CSPP1: variants seen among roughly 807,000 people sequenced by gnomAD.
CSPP1 encodes centrosome and spindle pole associated protein 1, also known as centrosome and spindle pole-associated protein 1.
In CSPP1, 126 loss-of-function variants were observed where a neutral mutation model predicts 164.4. The ratio of observed to expected loss-of-function variants is 0.77; its 90% CI spans 0.66 to 0.89. CSPP1 has a LOEUF of 0.89. Among genes scored for constraint, CSPP1 ranks in the 40% least tolerant of loss-of-function variants. The pLI is 0.00. For synonymous variants in CSPP1, 472 were observed against 476.7 expected, an observed-to-expected ratio of 0.99 and a Z score of 0.13; for missense variants, 1,395 against 1,449.8, an observed-to-expected ratio of 0.96 and a Z score of 0.61.
intron 28 of CSPP1, 60 bp downstream of exon 28, chr8:67,179,986 T>G: frequency 1.1e-6 from 1 of 903,578 alleles, no homozygotes; most frequent in Non-Finnish European, 1.8e-6. Flanking sequence ...TCTCCACACT[T>G]AAAAACCAGT....
At chr8:67,132,163 A>AG (rs1206570839) in intron 16 of CSPP1, 83 bp downstream of exon 16, 17 of 1,336,388 alleles carry the variant, frequency 1.3e-5, no homozygotes, top group Admixed American at 2.5e-5. Flanking sequence ...GTGGCCGGGG[A>AG]GGGGAAAAAA....
At chr8:67,126,120 C>G (rs559174078) in intron 15 of CSPP1, among the ~76,000 whole-genome samples, 1 of 152,348 alleles carries the variant, frequency 6.6e-6, no homozygotes, top group East Asian at 1.9e-4. Flanking sequence ...GCGTGAGCCA[C>G]TGTGCCCAGC....
chr8:67,149,950 T>A lies in CSPP1; in HGVS notation c.2128+15T>A. On this transcript the variant is annotated intron_variant, in intron 18 of 30. Coordinates refer to ENST00000678616, the MANE Select transcript of CSPP1 (RefSeq NM_001382391.1). Reference sequence around the variant, plus strand: ...TAAAAGCTCAGGTTTTTAATCACTTTTTTTTTTTTTTTTTTTTTTTTACAT... The same window carrying A: ...TAAAAGCTCAGGTTTTTAATCACTTATTTTTTTTTTTTTTTTTTTTTACAT... The A allele has an allele frequency of 9.7e-6, 4 of 412,864 alleles. No individual in the cohort carries two copies. The highest frequency in any genetic ancestry group is 2.4e-5 in the African/African-American group (1 of 41,872). 25.6% of individuals were successfully genotyped at this position (412,864 alleles called of 1,614,324 possible). A position where few individuals can be genotyped will look rare whatever the true frequency, so the allele number is the denominator to read the frequency against.
chr8:67,195,081 T>C (rs1301262976), intron 30 of CSPP1, among the ~76,000 whole-genome samples: 1 of 152,222 alleles, frequency 6.6e-6, no homozygotes, highest in Non-Finnish European at 1.5e-5. Context: ...CTGTTGACTT[T>C]GTTTTATGGA....
chr8:67,169,706 C>T (rs1220598899), intron 24 of CSPP1, among the ~76,000 whole-genome samples: 1 of 152,010 alleles, frequency 6.6e-6, no homozygotes, highest in Non-Finnish European at 1.5e-5. Context: ...TCCCAAAGTG[C>T]TGGGATTACA....
In CSPP1 at chr8:67,074,116, A is replaced by T. The variant is rs1163734576; in HGVS notation, c.-10-127A>T. The stretch of plus-strand genomic sequence containing the variant: ...CAGTAGGCAGGCATATTTATGATCA[A>T]TCTTAAGTTTGAATTTCTCAATTTG... On this transcript the variant is annotated intron_variant, in intron 1 of 30. Transcript: ENST00000678616. 6.8e-6 allele frequency: 4 copies of T among 585,154 alleles called. No homozygotes were observed. In the African/African-American group the frequency reaches 7.6e-5, roughly 11 times the overall value. 36.2% of individuals were successfully genotyped at this position (585,154 alleles called of 1,614,324 possible).
At chr8:67,173,810 GT>G (rs1830978002) in intron 25 of CSPP1, 1 of 152,102 alleles carries the variant, frequency 6.6e-6, no homozygotes, top group Non-Finnish European at 1.5e-5. Flanking sequence ...AACCCAGTGG[GT>G]CTCATGAGGA....
intron 4 of CSPP1, among the ~76,000 whole-genome samples, chr8:67,091,593 G>C (rs1052965291): frequency 3.9e-5 from 6 of 152,090 alleles, no homozygotes; most frequent in Non-Finnish European, 8.8e-5. Flanking sequence ...TTCCCTTTCA[G>C]GGAGTTGTTG....
chr8:67,124,167 G>A (rs1010944053), intron 15 of CSPP1, among the ~76,000 whole-genome samples: 7 of 152,108 alleles, frequency 4.6e-5, no homozygotes, highest in African/African-American at 9.7e-5. Context: ...CCAAAGTGCT[G>A]GGATTACAGG....
chr8:67,093,400 T>G (rs1217469793), intron 5 of CSPP1, 143 bp from the exon 6 acceptor site: 9 of 569,016 alleles, frequency 1.6e-5, no homozygotes, highest in Non-Finnish European at 2.8e-5. Context: ...CAGTGACATC[T>G]GTCCTTGAAA....
Position 67,093,598 on chromosome 8 carries a change from A to C in CSPP1, c.440A>C (p.Glu147Ala). The part of the protein sequence containing the change: ...KEYNQFLRGK[E>A]ESSEKFRQVE... Reference sequence around the variant, plus strand: ...TACAATCAGTTTCTCAGGGGTAAGGAAGAATCCAGTGAAAAGTTCAGGCAG... The same window carrying C: ...TACAATCAGTTTCTCAGGGGTAAGGCAGAATCCAGTGAAAAGTTCAGGCAG... Residue 147 changes from glutamate (E) to alanine (A), a missense_variant, in exon 6 of 31, where the codon GAA becomes GCA. Physicochemically the swap from Glu to Ala is moderately radical, Grantham distance 107. Coordinates refer to ENST00000678616, the MANE Select transcript of CSPP1 (RefSeq NM_001382391.1). 1 of 1,613,046 alleles carries C rather than the reference A, an allele frequency of 6.2e-7. No individual in the cohort carries two copies. The highest frequency in any genetic ancestry group is 8.5e-7 in the Non-Finnish European group (1 of 1,179,186).
At chr8:67,135,377 G>A (rs773557337) in intron 16 of CSPP1, 1 of 152,110 alleles carries the variant, frequency 6.6e-6, no homozygotes, top group Non-Finnish European at 1.5e-5. Context: ...GGTCAGGGTG[G>A]TCTTGAACTC....
At position 67,159,957 on chromosome 8, in the gene CSPP1, C is replaced by CCTTCT. The variant is rs1554605789; in HGVS notation, c.2538+820_2538+821insCTTCT. On this transcript the variant is annotated intron_variant, in intron 21 of 30. Transcript: ENST00000678616. ...TCCTTCCTTCCTTCCTTCCTTCCTTCTTTCTTTTCTTTTCTTTTCTTTTCT... is the reference window on the plus strand; with the variant it reads ...TCCTTCCTTCCTTCCTTCCTTCCTTCCTTCTTTTCTTTTCTTTTCTTTTCTTTTCT... Among the ~76,000 whole-genome samples the CCTTCT allele has an allele frequency of 2.3e-3, 46 of 20,016 alleles. 3 individuals are homozygous for CCTTCT. Among genetic ancestry groups the CCTTCT allele is most frequent in the South Asian group, 9.0e-3 (4 of 442 alleles). The allele number at this position is 20,016 out of a possible 152,430, so 13.1% of individuals were successfully genotyped here.
chr8:67,145,419 T>G (rs1335231838), intron 17 of CSPP1, among the ~76,000 whole-genome samples: 1 of 152,176 alleles, frequency 6.6e-6, no homozygotes, highest in African/African-American at 2.4e-5. Context: ...TGATTTTTTT[T>G]CTCTGCTTTT....
intron 23 of CSPP1, 22 bp downstream of exon 23, chr8:67,163,820 G>A (rs1457856764): frequency 6.6e-7 from 1 of 1,518,194 alleles, no homozygotes; most frequent in Non-Finnish European, 9.0e-7. Context: ...TACTAAACCT[G>A]TTACCTAGAG....
rs1554560400 is a variant in CSPP1 at position 67,083,548 on chromosome 8, A to ATATAT, written c.200-2459_200-2458insTATAT. 109 of 91,466 alleles carry ATATAT rather than the reference A, an allele frequency of 1.2e-3. No individual in the cohort carries two copies. In the Middle Eastern group the frequency reaches 0.022, roughly 18 times the overall value. The allele number at this position is 91,466 out of a possible 1,614,324, so 5.7% of individuals were successfully genotyped here. On this transcript the variant is annotated intron_variant, in intron 3 of 30. Transcript: ENST00000678616. ...CTTTGTCTCAAAAAAAAAAAAAAAA[A>ATATAT]ATATATATATATATATATATATATA...
intron 24 of CSPP1, among the ~76,000 whole-genome samples, chr8:67,171,195 T>G (rs1239523297): frequency 6.6e-6 from 1 of 150,464 alleles, no homozygotes; most frequent in African/African-American, 2.4e-5. Context: ...GGTCAAGAGA[T>G]AGAGACCGTC....
intron 17 of CSPP1, among the ~76,000 whole-genome samples, chr8:67,148,995 C>G (rs927034843): frequency 6.6e-6 from 1 of 152,094 alleles, no homozygotes; most frequent in Non-Finnish European, 1.5e-5. Context: ...TTGGGTGGTT[C>G]TGTCTCAGGC....
chr8:67,193,653 A>T, intron 30 of CSPP1, 51 bp downstream of exon 30: 1 of 1,528,936 alleles, frequency 6.5e-7, no homozygotes, highest in South Asian at 1.2e-5. Flanking sequence ...TGAACTTTTA[A>T]ACTTTCTTAC....
Sources: allele counts gnomAD v4.1 joint callset (sites outside exome capture counted in the v4.1 genomes callset), GRCh38; gene constraint gnomAD v4.1.1; transcripts MANE v1.5; gene names NCBI Gene and HGNC (gene_info 2026-07-23, HGNC 2026-07-21).